GRIN3A: variants seen among roughly 807,000 people sequenced by gnomAD.
GRIN3A encodes the protein glutamate ionotropic receptor NMDA type subunit 3A, also known as glutamate receptor ionotropic, NMDA 3A.
GRIN3A carries 47 observed loss-of-function variants against 92.4 expected under a neutral mutation model. The observed-to-expected ratio is 0.51, with a 90% CI of 0.40 to 0.65. GRIN3A has a LOEUF of 0.65. Ranked by LOEUF, GRIN3A falls within the 30% of genes least tolerant of loss-of-function variation. The pLI is 0.00. For synonymous variants in GRIN3A, 527 were observed against 540.6 expected, an observed-to-expected ratio of 0.97 and a Z score of 0.35; for missense variants, 1,324 against 1,393.1, an observed-to-expected ratio of 0.95 and a Z score of 0.79.
intron 6 of GRIN3A, among the ~76,000 whole-genome samples, chr9:101,604,323 A>G (rs1200082034): frequency 2.0e-5 from 3 of 152,228 alleles, no homozygotes; most frequent in African/African-American, 7.2e-5. Context: ...AGCAAGACAG[A>G]TGAAGATGAG....
chr9:101,608,727 G>T (rs779066127), intron 6 of GRIN3A, among the ~76,000 whole-genome samples: 1 of 152,116 alleles, frequency 6.6e-6, no homozygotes, highest in Non-Finnish European at 1.5e-5. Flanking sequence ...GCCTCAAAAT[G>T]CTCAAATAAT....
intron 1 of GRIN3A, among the ~76,000 whole-genome samples, chr9:101,707,919 C>G (rs1162382502): frequency 6.6e-6 from 1 of 152,086 alleles, no homozygotes; most frequent in African/African-American, 2.4e-5. Flanking sequence ...GCTCACTTCT[C>G]CCTTGATAGT....
chr9:101,595,972 T>C (rs571999938), intron 6 of GRIN3A, among the ~76,000 whole-genome samples: 1 of 152,364 alleles, frequency 6.6e-6, no homozygotes, highest in South Asian at 2.1e-4. Flanking sequence ...TAATCTCACA[T>C]GCTCCCTCTT....
intron 6 of GRIN3A, among the ~76,000 whole-genome samples, 198 bp from the exon 7 acceptor site, chr9:101,579,558 G>T (rs748481371): frequency 6.6e-6 from 1 of 151,962 alleles, no homozygotes; most frequent in South Asian, 2.1e-4. Flanking sequence ...GAGGGCTGCC[G>T]AGGAGCACCC....
intron 3 of GRIN3A, among the ~76,000 whole-genome samples, chr9:101,646,328 T>C (rs1724061844): frequency 6.6e-6 from 1 of 151,836 alleles, no homozygotes; most frequent in African/African-American, 2.4e-5. Flanking sequence ...TTGAAGAGAC[T>C]GTCTCTTCAA....
At chr9:101,608,775 A>T (rs775279338) in intron 6 of GRIN3A, among the ~76,000 whole-genome samples, 1 of 152,208 alleles carries the variant, frequency 6.6e-6, no homozygotes, top group Non-Finnish European at 1.5e-5. Flanking sequence ...TGGGATTCAA[A>T]TATAGAACTG....
chr9:101,673,985 G>A (rs955374117), intron 2 of GRIN3A, among the ~76,000 whole-genome samples: 3 of 152,086 alleles, frequency 2.0e-5, no homozygotes, highest in Admixed American at 6.6e-5. Context: ...GGAAAGTTTC[G>A]TAGAGGAGGA....
At chr9:101,694,671 A>G (rs1041021283) in intron 1 of GRIN3A, among the ~76,000 whole-genome samples, 3 of 152,114 alleles carry the variant, frequency 2.0e-5, no homozygotes, top group African/African-American at 7.2e-5. Context: ...GCCCCACACA[A>G]ATACAACTTT....
At chr9:101,625,104 T>G (rs1295438905) in intron 4 of GRIN3A, among the ~76,000 whole-genome samples, 1 of 152,234 alleles carries the variant, frequency 6.6e-6, no homozygotes, top group African/African-American at 2.4e-5. Context: ...GAACCAGAAC[T>G]CTGTATTACA....
At chr9:101,640,046 C>T (rs531880561) in intron 3 of GRIN3A, among the ~76,000 whole-genome samples, 12 of 152,106 alleles carry the variant, frequency 7.9e-5, no homozygotes, top group Admixed American at 2.0e-4. Flanking sequence ...TATGGAGGAA[C>T]CCTCAAAGAT....
chr9:101,628,907 T>G (rs1828675332), intron 3 of GRIN3A, among the ~76,000 whole-genome samples: 1 of 152,206 alleles, frequency 6.6e-6, no homozygotes, highest in African/African-American at 2.4e-5. Flanking sequence ...TTATTTTTAG[T>G]GTTTTCATAA....
At chr9:101,690,471 G>A (rs1054093176) in intron 1 of GRIN3A, among the ~76,000 whole-genome samples, 18 of 152,120 alleles carry the variant, frequency 1.2e-4, no homozygotes, top group African/African-American at 2.7e-4. Flanking sequence ...GGGAATGTGT[G>A]TGCTGCCATG....
At chr9:101,605,759 C>A (rs767398110) in intron 6 of GRIN3A, among the ~76,000 whole-genome samples, 6 of 152,174 alleles carry the variant, frequency 3.9e-5, no homozygotes, top group Non-Finnish European at 8.8e-5. Flanking sequence ...TACTTTTGGA[C>A]TGTTTCAAAA....
chr9:101,577,671 T>C, intron 8 of GRIN3A, 97 bp downstream of exon 8: 1 of 921,410 alleles, frequency 1.1e-6, no homozygotes, highest in East Asian at 2.4e-5. Context: ...CTGATTCTTT[T>C]GATAAATTGC....
chr9:101,706,943 A>C (rs531943426), intron 1 of GRIN3A, among the ~76,000 whole-genome samples: 9 of 152,198 alleles, frequency 5.9e-5, no homozygotes, highest in Admixed American at 2.6e-4. Flanking sequence ...TCACTTTCAA[A>C]TGAAACTCAC....
intron 5 of GRIN3A, among the ~76,000 whole-genome samples, chr9:101,616,094 CT>C (rs963965333): frequency 3.9e-5 from 6 of 152,190 alleles, no homozygotes; most frequent in African/African-American, 1.4e-4. Flanking sequence ...GTCCTGACCA[CT>C]TAACATGGTG....
chr9:101,618,973 C>T (rs1450851028), intron 5 of GRIN3A, among the ~76,000 whole-genome samples: 1 of 152,166 alleles, frequency 6.6e-6, no homozygotes, highest in African/African-American at 2.4e-5. Context: ...AAGATGAAGG[C>T]ATCAGGCATC....
At chr9:101,671,793 A>G (rs1829329561) in intron 2 of GRIN3A, among the ~76,000 whole-genome samples, 1 of 152,142 alleles carries the variant, frequency 6.6e-6, no homozygotes, top group Admixed American at 6.6e-5. Flanking sequence ...GCCTCAGGCT[A>G]GCCTCCCTCC....
chr9:101,710,677 G>A (rs1444475868), intron 1 of GRIN3A, among the ~76,000 whole-genome samples: 1 of 152,224 alleles, frequency 6.6e-6, no homozygotes, highest in East Asian at 1.9e-4. Flanking sequence ...AACCTCTGGT[G>A]ATGAGGTATC....
Sources: allele counts gnomAD v4.1 joint callset (sites outside exome capture counted in the v4.1 genomes callset), GRCh38; gene constraint gnomAD v4.1.1; transcripts MANE v1.5; gene names NCBI Gene and HGNC (gene_info 2026-07-23, HGNC 2026-07-21).